The following TLN2 variants were observed in gnomAD, a reference collection of about 807,000 sequenced individuals.
TLN2 encodes talin-2.
Under a neutral mutation model 294.7 loss-of-function variants are expected in TLN2, and 118 were observed. That is an observed-to-expected ratio of 0.40 (90% CI 0.34 to 0.47). The LOEUF is 0.47. Ranked by LOEUF, TLN2 falls within the 20% of genes least tolerant of loss-of-function variation. The probability of loss-of-function intolerance (pLI) is 0.84; values close to 1 mark genes in which losing one functional copy is unlikely to be tolerated. For synonymous variants in TLN2, 1,431 were observed against 1,304.5 expected (o/e 1.10, Z -2.09); for missense variants, 3,083 against 3,282.2 (o/e 0.94, Z 1.48).
chr15:62,430,726 A>G (rs1259459344), intron 1 of TLN2, among the ~76,000 whole-genome samples: 7 of 152,204 alleles, frequency 4.6e-5, no homozygotes, highest in Admixed American at 3.9e-4. Flanking sequence ...TGAGTAAAGT[A>G]TAAGTCATGG....
At chr15:62,781,022 C>A in intron 43 of TLN2, 118 bp from the exon 44 acceptor site, 1 of 720,716 alleles carries the variant, frequency 1.4e-6, no homozygotes, top group Non-Finnish European at 2.3e-6. Flanking sequence ...TGAGTTGACA[C>A]TGGGCGAAAG....
intron 42 of TLN2, among the ~76,000 whole-genome samples, chr15:62,776,077 G>A (rs940932365): frequency 3.3e-5 from 5 of 152,112 alleles, no homozygotes; most frequent in Admixed American, 6.5e-5. Flanking sequence ...TGCTACTTGA[G>A]GTATCTTTCA....
chr15:62,741,748 C>CGCGCGT lies in TLN2; in HGVS notation c.4025+980_4025+981insCGCGTG. The stretch of plus-strand genomic sequence containing the variant: ...TTAACTTGGTTTTTTAAAATTTGCG[C>CGCGCGT]GTGTGTGTGTGTGTGTGTGTCTTTA... On this transcript the variant is annotated intron_variant, in intron 32 of 58. Transcript: ENST00000636159. 3.8e-5 allele frequency among the ~76,000 whole-genome samples: 5 copies of CGCGCGT among 131,162 alleles called. No homozygotes were observed. In the East Asian group the frequency reaches 9.6e-4, roughly 25 times the overall value. 86.0% of individuals were successfully genotyped at this position (131,162 alleles called of 152,430 possible). A position where few individuals can be genotyped will look rare whatever the true frequency, so the allele number is the denominator to read the frequency against.
chr15:62,692,476 C>T (rs78908379), intron 12 of TLN2, among the ~76,000 whole-genome samples: 3,885 of 152,196 alleles, frequency 0.026, 171 homozygotes, highest in African/African-American at 0.089. Flanking sequence ...TCTTGGGCTC[C>T]CCTTCTCCTA....
chr15:62,649,125 A>G (rs1031762551), intron 4 of TLN2, among the ~76,000 whole-genome samples: 11 of 152,222 alleles, frequency 7.2e-5, no homozygotes, highest in African/African-American at 2.2e-4. Flanking sequence ...TACAGGCGTG[A>G]GCAACTGCGC....
intron 1 of TLN2, among the ~76,000 whole-genome samples, chr15:62,438,507 C>T (rs2035400663): frequency 1.3e-5 from 2 of 152,148 alleles, no homozygotes; most frequent in South Asian, 4.1e-4. Context: ...TGGTGATCTC[C>T]TTACCTCTGA....
chr15:62,480,740 C>G (rs941755974), intron 1 of TLN2, among the ~76,000 whole-genome samples: 3 of 152,178 alleles, frequency 2.0e-5, no homozygotes, highest in African/African-American at 7.2e-5. Flanking sequence ...ACTGTCTTCC[C>G]TCATTGTGCC....
chr15:62,548,475 C>T (rs2042117434), intron 1 of TLN2, among the ~76,000 whole-genome samples: 1 of 152,166 alleles, frequency 6.6e-6, no homozygotes, highest in Admixed American at 6.5e-5. Context: ...TTTCAAGTTG[C>T]ACACAGGGTT....
intron 11 of TLN2, among the ~76,000 whole-genome samples, chr15:62,677,028 A>G (rs2056287769): frequency 6.6e-6 from 1 of 152,214 alleles, no homozygotes; most frequent in Non-Finnish European, 1.5e-5. Flanking sequence ...TGATTCACAG[A>G]TGGTGTTCCC....
rs1171279460 is a variant in TLN2 at position 62,708,435 on chromosome 15, C to T, written c.2173-67C>T. The T allele has an allele frequency of 1.5e-5, 23 of 1,536,876 alleles. 1 individual carries two copies. The highest frequency in any genetic ancestry group is 4.1e-5 in the African/African-American group (3 of 73,634). On this transcript the variant is annotated intron_variant, in intron 20 of 58. Coordinates refer to ENST00000636159, the MANE Select transcript of TLN2 (RefSeq NM_015059.3). ...AGCAGGAAGGGCTTTGATGGGACTG[C>T]GGGGGCACATGGAGAGGGACCAGGA...
At chr15:62,839,501 T>C (rs151146966) in intron 58 of TLN2, among the ~76,000 whole-genome samples, 1 of 152,352 alleles carries the variant, frequency 6.6e-6, no homozygotes, top group African/African-American at 2.4e-5. Flanking sequence ...CTACAGAGAA[T>C]GCTTTCCCTC....
chr15:62,507,247 G>A (rs1172734687), intron 1 of TLN2, among the ~76,000 whole-genome samples: 1 of 152,120 alleles, frequency 6.6e-6, no homozygotes, highest in Non-Finnish European at 1.5e-5. Flanking sequence ...TAATGAGATC[G>A]TGCTTCGAGG....
At chr15:62,780,892 A>T (rs1472654328) in intron 43 of TLN2, among the ~76,000 whole-genome samples, 4 of 152,010 alleles carry the variant, frequency 2.6e-5, no homozygotes, top group Non-Finnish European at 4.4e-5. Flanking sequence ...TGGCGGAAAC[A>T]TCACTCCTCT....
At chr15:62,488,221 C>G (rs1348001546) in intron 1 of TLN2, among the ~76,000 whole-genome samples, 1 of 152,084 alleles carries the variant, frequency 6.6e-6, no homozygotes, top group Non-Finnish European at 1.5e-5. Context: ...CATTTAGGAA[C>G]AACAGTGTGT....
chr15:62,550,033 G>C (rs2042209515), intron 1 of TLN2, among the ~76,000 whole-genome samples: 1 of 152,132 alleles, frequency 6.6e-6, no homozygotes, highest in South Asian at 2.1e-4. Flanking sequence ...ACCAGTCTGG[G>C]GTAAGAATTC....
intron 52 of TLN2, among the ~76,000 whole-genome samples, chr15:62,814,280 T>C (rs181202702): frequency 3.3e-5 from 5 of 152,344 alleles, no homozygotes; most frequent in African/African-American, 1.2e-4. Flanking sequence ...AAAAGACTTA[T>C]CATTTGGGCT....
At chr15:62,689,100 T>C (rs2057552795) in intron 12 of TLN2, among the ~76,000 whole-genome samples, 3 of 149,452 alleles carry the variant, frequency 2.0e-5, no homozygotes, top group Non-Finnish European at 3.0e-5. Flanking sequence ...TTTCTGTGGG[T>C]TACTTGGACA....
chr15:62,754,109 G>T lies in TLN2; in HGVS notation c.4476+193G>T, dbSNP rs1452492357. On this transcript the variant is annotated intron_variant, in intron 36 of 58. Coordinates refer to ENST00000636159, the MANE Select transcript of TLN2 (RefSeq NM_015059.3). ...ATATGATGAATCTGGAAATTTGTAA[G>T]TGCCTTGAAATGGGGTGCCAGAAGG... The T allele has an allele frequency of 1.9e-5, 15 of 777,070 alleles. No individual in the cohort carries two copies. The East Asian group carries it at 5.0e-4, about 26-fold the overall frequency. The allele number at this position is 777,070 out of a possible 1,614,324, so 48.1% of individuals were successfully genotyped here. A position where few individuals can be genotyped will look rare whatever the true frequency, so the allele number is the denominator to read the frequency against.
chr15:62,720,072 T>A (rs2060033713), intron 25 of TLN2, among the ~76,000 whole-genome samples, 192 bp downstream of exon 25: 1 of 152,262 alleles, frequency 6.6e-6, no homozygotes, highest in African/African-American at 2.4e-5. Context: ...AATGCTGATA[T>A]GCAGGGAAAT....
Sources: allele counts gnomAD v4.1 joint callset (sites outside exome capture counted in the v4.1 genomes callset), GRCh38; gene constraint gnomAD v4.1.1; transcripts MANE v1.5; gene names NCBI Gene and HGNC (gene_info 2026-07-23, HGNC 2026-07-21).